FBN2: variants seen among roughly 807,000 people sequenced by gnomAD.
The protein encoded by FBN2 is fibrillin-2.
FBN2 carries 105 observed loss-of-function variants against 355.6 expected under a neutral mutation model. The ratio of observed to expected loss-of-function variants is 0.30; its 90% CI spans 0.25 to 0.35. FBN2 has a LOEUF of 0.35. FBN2 is among the 10% of genes least tolerant of loss of function. The probability of loss-of-function intolerance (pLI) is 1.00; values close to 1 mark genes in which losing one functional copy is unlikely to be tolerated. For synonymous variants in FBN2, 1,350 were observed against 1,301.2 expected, an observed-to-expected ratio of 1.04 and a Z score of -0.81; for missense variants, 3,280 against 3,758.7, an observed-to-expected ratio of 0.87 and a Z score of 3.33.
At chr5:128,422,159 T>C (rs1328807887) in intron 7 of FBN2, among the ~76,000 whole-genome samples, 1 of 152,196 alleles carries the variant, frequency 6.6e-6, no homozygotes, top group African/African-American at 2.4e-5. Context: ...TGGGCTTGGT[T>C]AGACCATTCT....
chr5:128,382,450 G>A (rs977930897), intron 11 of FBN2, among the ~76,000 whole-genome samples: 1 of 152,020 alleles, frequency 6.6e-6, no homozygotes, highest in African/African-American at 2.4e-5. Context: ...CACTTGTCCT[G>A]TTGTTCAGCT....
intron 26 of FBN2, 128 bp from the exon 27 acceptor site, chr5:128,338,250 G>C: frequency 1.1e-6 from 1 of 943,876 alleles, no homozygotes; most frequent in East Asian, 2.7e-5. Context: ...CTTCATAGGA[G>C]ATGGGATAAC....
At chr5:128,535,305 A>G (rs543938226) in intron 2 of FBN2, among the ~76,000 whole-genome samples, 2 of 152,032 alleles carry the variant, frequency 1.3e-5, no homozygotes, top group East Asian at 3.9e-4. Context: ...AATAACATTA[A>G]GCATCTATCT....
intron 7 of FBN2, among the ~76,000 whole-genome samples, chr5:128,427,961 G>A (rs921594455): frequency 1.3e-5 from 2 of 152,120 alleles, no homozygotes; most frequent in Non-Finnish European, 2.9e-5. Context: ...CCCCACAGAT[G>A]TTCTCCATCT....
At chr5:128,379,010 C>T (rs1465445065) in intron 11 of FBN2, 120 bp from the exon 12 acceptor site, 17 of 1,088,426 alleles carry the variant, frequency 1.6e-5, no homozygotes, top group South Asian at 3.8e-5. Context: ...GTCTAAATAG[C>T]GAAGTATTTA....
intron 7 of FBN2, among the ~76,000 whole-genome samples, chr5:128,440,696 A>T (rs1422951806): frequency 6.6e-6 from 1 of 152,188 alleles, no homozygotes; most frequent in African/African-American, 2.4e-5. Context: ...CCACTTTCTT[A>T]CACCTACTTT....
chr5:128,493,251 C>T (rs1581345675), intron 5 of FBN2, among the ~76,000 whole-genome samples: 1 of 152,024 alleles, frequency 6.6e-6, no homozygotes, highest in Non-Finnish European at 1.5e-5. Context: ...ATCCAGGCAG[C>T]GATGGCACCA....
At chr5:128,514,298 G>A (rs1456446436) in intron 5 of FBN2, among the ~76,000 whole-genome samples, 1 of 152,096 alleles carries the variant, frequency 6.6e-6, no homozygotes, top group Admixed American at 6.6e-5. Flanking sequence ...AGTAAGCTAT[G>A]TTTTTTCATT....
intron 6 of FBN2, among the ~76,000 whole-genome samples, chr5:128,449,995 CTG>C (rs1754195212): frequency 6.6e-6 from 1 of 152,070 alleles, no homozygotes; most frequent in African/African-American, 2.4e-5. Context: ...ATAATGCTAA[CTG>C]TGCATGCATG....
chr5:128,433,579 GAAT>G lies in FBN2; in HGVS notation c.952+12899_952+12901del, dbSNP rs1348710164. Among the ~76,000 whole-genome samples, 6 of 152,282 alleles carry G rather than the reference GAAT, an allele frequency of 3.9e-5. No homozygotes were observed. The East Asian group carries it at 1.2e-3, about 29-fold the overall frequency. ...CACATAGTCCTGGTAGCATTTCTGA[GAAT>G]TTGGAAGATGAAACCTATAGCTGAA... On this transcript the variant is annotated intron_variant, in intron 7 of 64. Coordinates refer to ENST00000262464, the MANE Select transcript of FBN2 (RefSeq NM_001999.4).
At position 128,462,438 on chromosome 5, in the gene FBN2, G is replaced by T. The variant is rs778325678; in HGVS notation, c.826+2286C>A. ...GAACTACGGATTAGTATTTAATTGAGAACTTTCTGACTATGCCATGATTTT... is the reference window on the plus strand; with the variant it reads ...GAACTACGGATTAGTATTTAATTGATAACTTTCTGACTATGCCATGATTTT... On this transcript the variant is annotated intron_variant, in intron 6 of 64. Coordinates refer to ENST00000262464, the MANE Select transcript of FBN2 (RefSeq NM_001999.4). Among the ~76,000 whole-genome samples the T allele has an allele frequency of 2.6e-5, 4 of 152,116 alleles. No individual in the cohort carries two copies. In the South Asian group the frequency reaches 8.3e-4, roughly 31 times the overall value.
intron 11 of FBN2, among the ~76,000 whole-genome samples, chr5:128,385,580 G>T (rs1165516598): frequency 6.6e-6 from 1 of 152,062 alleles, no homozygotes; most frequent in African/African-American, 2.4e-5. Flanking sequence ...ACCCAGTATT[G>T]CTGGGTCGAA....
chr5:128,415,536 T>G (rs1020864938), intron 7 of FBN2, among the ~76,000 whole-genome samples: 11 of 152,186 alleles, frequency 7.2e-5, no homozygotes, highest in Non-Finnish European at 1.5e-4. Flanking sequence ...TGACAGTATT[T>G]TATTCTTTTT....
At chr5:128,288,687 T>G in intron 52 of FBN2, 130 bp from the exon 53 acceptor site, 1 of 1,061,082 alleles carries the variant, frequency 9.4e-7, no homozygotes, top group East Asian at 2.5e-5. Context: ...TGGCATCCCT[T>G]GGGCCTTGGC....
At chr5:128,498,432 T>A (rs1755713747) in intron 5 of FBN2, among the ~76,000 whole-genome samples, 1 of 152,212 alleles carries the variant, frequency 6.6e-6, no homozygotes. Flanking sequence ...TCTTGTCTAG[T>A]TCAGCTCTAG....
At chr5:128,505,714 C>A (rs1581356233) in intron 5 of FBN2, among the ~76,000 whole-genome samples, 1 of 116,456 alleles carries the variant, frequency 8.6e-6, no homozygotes, top group East Asian at 2.0e-4. Context: ...AAAATAAAAT[C>A]ATAATGTATT....
intron 5 of FBN2, among the ~76,000 whole-genome samples, chr5:128,470,026 G>A (rs1457631204): frequency 6.6e-6 from 1 of 152,194 alleles, no homozygotes; most frequent in East Asian, 1.9e-4. Flanking sequence ...ATTCCTTGGA[G>A]TGAGAGAATA....
chr5:128,443,655 T>C (rs1297030243), intron 7 of FBN2, among the ~76,000 whole-genome samples: 1 of 152,236 alleles, frequency 6.6e-6, no homozygotes, highest in African/African-American at 2.4e-5. Context: ...CTTACTTTTC[T>C]TATTTCTGAA....
At chr5:128,443,242 T>C (rs983549404) in intron 7 of FBN2, among the ~76,000 whole-genome samples, 1 of 152,078 alleles carries the variant, frequency 6.6e-6, no homozygotes, top group Non-Finnish European at 1.5e-5. Flanking sequence ...CAAAGGAAAA[T>C]CAAATTATTA....
Sources: allele counts gnomAD v4.1 joint callset (sites outside exome capture counted in the v4.1 genomes callset), GRCh38; gene constraint gnomAD v4.1.1; transcripts MANE v1.5; gene names NCBI Gene and HGNC (gene_info 2026-07-23, HGNC 2026-07-21).